Variants in RFXAP observed in about 807,000 individuals in gnomAD.
RFXAP encodes the protein regulatory factor X associated protein, also known as regulatory factor X-associated protein.
Under a neutral mutation model 25.7 loss-of-function variants are expected in RFXAP, and 21 were observed. The observed-to-expected ratio is 0.82, with a 90% CI of 0.58 to 1.18. The LOEUF is 1.18. RFXAP is among the 50% of genes most tolerant of loss of function. The probability of loss-of-function intolerance (pLI) is 0.00; values close to 1 mark genes in which losing one functional copy is unlikely to be tolerated. For missense variants in RFXAP, 333 were observed against 363.0 expected (o/e 0.92, Z 0.67); for synonymous variants, 161 against 152.2 (o/e 1.06, Z -0.43).
Position 36,819,739 on chromosome 13 carries a change from C to G in RFXAP, c.382C>G (p.Arg128Gly), listed in dbSNP as rs563234852. ...GGGCGAGGGCAGCAGCGGGGGCGCC[C>G]GGAGGCGGGGCAGCGGTGGGGGCAG... ...SGGEGSSGGA[R>G]RRGSGGGSMS... Residue 128 changes from arginine (R) to glycine (G), a missense_variant, in exon 1 of 3, where the codon CGG becomes GGG. Arg to Gly is a moderately radical substitution (Grantham distance 125). Transcript: ENST00000255476. 1 of 1,551,902 alleles carries G rather than the reference C, an allele frequency of 6.4e-7. No individual in the cohort carries two copies. Among genetic ancestry groups the G allele is most frequent in the East Asian group, 2.4e-5 (1 of 41,054 alleles).
At position 36,819,480 on chromosome 13, in the gene RFXAP, C is replaced by G; in HGVS notation, c.123C>G (p.Ala41=). The change falls in exon 1 of 3, where the codon GCC becomes GCG. Residue 41 remains alanine, a synonymous_variant. Transcript: ENST00000255476. ...CGCCAGCCTCGGTGGCGGCCGCGGC[C>G]TCTCAATTCACCCTGCTAGTGATGC... ...TLAPASVAAA[A]SQFTLLVMQP... 1 of 1,526,622 alleles carries G rather than the reference C, an allele frequency of 6.6e-7. No homozygotes were observed. The highest frequency in any genetic ancestry group is 8.8e-7 in the Non-Finnish European group (1 of 1,136,660). 94.6% of individuals were successfully genotyped at this position (1,526,622 alleles called of 1,614,324 possible). A position where few individuals can be genotyped will look rare whatever the true frequency, so the allele number is the denominator to read the frequency against.
rs746556873 is a variant in RFXAP, at chr13:36,827,766, A to G, written c.*13A>G. ...AACATCAATGTGAGGGAACTTACCA[A>G]GAACATCTACATGGTTTTTTATCTT... On this transcript the variant is annotated 3_prime_UTR_variant, in exon 3 of 3. Transcript: ENST00000255476. 1.9e-5 allele frequency: 30 copies of G among 1,553,848 alleles called. No individual in the cohort carries two copies. The highest frequency in any genetic ancestry group is 2.4e-5 in the Non-Finnish European group (28 of 1,144,956).
intron 1 of RFXAP, among the ~76,000 whole-genome samples, chr13:36,824,519 A>C (rs2057972058): frequency 6.6e-6 from 1 of 152,192 alleles, no homozygotes; most frequent in African/African-American, 2.4e-5. Flanking sequence ...AGTAAAGAAC[A>C]AAGAGGTTAA....
chr13:36,819,552 TG>T lies in RFXAP; in HGVS notation c.199del (p.Ala67ArgfsTer27). The T allele has an allele frequency of 1.3e-6, 2 of 1,522,974 alleles. No homozygotes were observed. Among genetic ancestry groups the T allele is most frequent in the Non-Finnish European group, 1.8e-6 (2 of 1,133,158 alleles). 94.3% of individuals were successfully genotyped at this position (1,522,974 alleles called of 1,614,324 possible). ...DEAAAPGGSVGAGKPVRYLCE... is the reference protein window; with the variant it reads ...DEAAAPGGSVXAGKPVRYLCE... ...AGGCTGCGGCCCCCGGGGGCAGCGT[TG>T]GGGCGGGCAAGCCCGTTAGGTACCT... On this transcript the variant is annotated frameshift_variant, in exon 1 of 3. Transcript: ENST00000255476. LOFTEE classifies it high-confidence loss of function.
intron 2 of RFXAP, among the ~76,000 whole-genome samples, chr13:36,826,990 C>G (rs1405861275): frequency 6.6e-6 from 1 of 152,012 alleles, no homozygotes; most frequent in African/African-American, 2.4e-5. Flanking sequence ...GACCCTGTCT[C>G]TAATAATAAT....
rs1190303117 is a variant in RFXAP at position 36,825,623 on chromosome 13, C to T, written c.708+88C>T. 4.6e-6 allele frequency: 4 copies of T among 868,542 alleles called. 1 individual carries two copies. Among genetic ancestry groups the T allele is most frequent in the South Asian group, 4.2e-5 (3 of 71,418 alleles). The allele number at this position is 868,542 out of a possible 1,614,324, so 53.8% of individuals were successfully genotyped here. ...ATTGAGATTTTTGAGATTTTTAGCT[C>T]ATGACATCACACTATACATCAAAAT... On this transcript the variant is annotated intron_variant, in intron 2 of 2. Coordinates refer to ENST00000255476, the MANE Select transcript of RFXAP (RefSeq NM_000538.4).
chr13:36,819,299 G>C lies in RFXAP; in HGVS notation c.-59G>C. On this transcript the variant is annotated 5_prime_UTR_variant, in exon 1 of 3. Coordinates refer to ENST00000255476, the MANE Select transcript of RFXAP (RefSeq NM_000538.4). Reference sequence around the variant, plus strand: ...CTGAGTCTTTGGTTCGCGAAGTGCCGTTAGGCCAAGCAGGTGCTAAAAGCC... The same window carrying C: ...CTGAGTCTTTGGTTCGCGAAGTGCCCTTAGGCCAAGCAGGTGCTAAAAGCC... 2.4e-6 allele frequency: 3 copies of C among 1,238,682 alleles called. No homozygotes were observed. Among genetic ancestry groups the C allele is most frequent in the Non-Finnish European group, 3.0e-6 (3 of 988,580 alleles). The allele number at this position is 1,238,682 out of a possible 1,614,324, so 76.7% of individuals were successfully genotyped here.
chr13:36,819,257 T>G lies in RFXAP; in HGVS notation c.-101T>G, dbSNP rs566055344. ...GGGGCGCCTTCCCGGTATAGGCGCC[T>G]TTTACCCCAGCGTGTCCTGAGTCTT... On this transcript the variant is annotated 5_prime_UTR_variant, in exon 1 of 3. Transcript: ENST00000255476. The G allele has an allele frequency of 6.3e-4, 719 of 1,148,144 alleles. No homozygotes were observed. The highest frequency in any genetic ancestry group is 6.9e-4 in the Non-Finnish European group (633 of 920,252). The allele number at this position is 1,148,144 out of a possible 1,614,324, so 71.1% of individuals were successfully genotyped here.
intron 1 of RFXAP, among the ~76,000 whole-genome samples, chr13:36,823,716 G>T (rs919109848): frequency 2.0e-5 from 3 of 152,102 alleles, no homozygotes; most frequent in African/African-American, 4.8e-5. Flanking sequence ...ACAAGTCAAG[G>T]TTAAATGAGG....
chr13:36,826,909 T>C (rs1425908660), intron 2 of RFXAP, among the ~76,000 whole-genome samples: 2 of 152,192 alleles, frequency 1.3e-5, no homozygotes, highest in Middle Eastern at 6.3e-3. Context: ...GATGATTGCT[T>C]GAGCCGAGGA....
intron 2 of RFXAP, among the ~76,000 whole-genome samples, chr13:36,825,755 T>C (rs889219330): frequency 6.6e-6 from 1 of 152,144 alleles, no homozygotes; most frequent in Non-Finnish European, 1.5e-5. Context: ...GAAAAGATTA[T>C]AAACTTGACT....
chr13:36,822,414 C>T (rs1051153477), intron 1 of RFXAP, among the ~76,000 whole-genome samples: 27 of 152,138 alleles, frequency 1.8e-4, no homozygotes, highest in African/African-American at 6.0e-4. Context: ...AAGTAGTTAA[C>T]CTATGGCTGC....
Position 36,819,378 on chromosome 13 carries a change from G to T in RFXAP, c.21G>T (p.Ala7=). ...GCAGCATGGAGGCGCAGGGTGTAGC[G>T]GAGGGCGCGGGGCCGGGCGCCGCCA... MEAQGV[A]EGAGPGAASG... Residue 7 remains alanine, a synonymous_variant, in exon 1 of 3, where the codon GCG becomes GCT. Transcript: ENST00000255476. 7.7e-7 allele frequency: 1 copy of T among 1,293,066 alleles called. No homozygotes were observed. 80.1% of individuals were successfully genotyped at this position (1,293,066 alleles called of 1,614,324 possible). A position where few individuals can be genotyped will look rare whatever the true frequency, so the allele number is the denominator to read the frequency against.
At chr13:36,823,887 A>G (rs2057970415) in intron 1 of RFXAP, among the ~76,000 whole-genome samples, 1 of 152,204 alleles carries the variant, frequency 6.6e-6, no homozygotes, top group Non-Finnish European at 1.5e-5. Flanking sequence ...CTTATATGGC[A>G]TGATTCTGAG....
intron 1 of RFXAP, among the ~76,000 whole-genome samples, chr13:36,824,448 A>C (rs562904048): frequency 6.6e-6 from 1 of 152,316 alleles, no homozygotes; most frequent in South Asian, 2.1e-4. Flanking sequence ...ATATTCTCAT[A>C]GATAACTCAG....
chr13:36,824,405 G>C (rs558120922), intron 1 of RFXAP, among the ~76,000 whole-genome samples: 1 of 152,104 alleles, frequency 6.6e-6, no homozygotes, highest in East Asian at 1.9e-4. Flanking sequence ...ATATCAGGTT[G>C]GTAAACTTCT....
Position 36,819,909 on chromosome 13 carries a change from C to G in RFXAP, c.552C>G (p.Asn184Lys). ...AGAAGAAGAGCGACCAGGCCCTGAACTGCGGTGGGACTGCCTCGACTGGCA... is the reference window on the plus strand; with the variant it reads ...AGAAGAAGAGCGACCAGGCCCTGAAGTGCGGTGGGACTGCCTCGACTGGCA... The part of the protein sequence containing the change: ...YKKKKSDQAL[N>K]CGGTASTGSA... Residue 184 changes from asparagine to lysine, a missense_variant, in exon 1 of 3, where the codon AAC becomes AAG. By Grantham distance (94) the Asn-to-Lys change is moderately conservative. Transcript: ENST00000255476. The G allele has an allele frequency of 6.2e-7, 1 of 1,613,834 alleles. No homozygotes were observed. Among genetic ancestry groups the G allele is most frequent in the African/African-American group, 1.3e-5 (1 of 75,034 alleles).
At position 36,819,622 on chromosome 13, in the gene RFXAP, G is replaced by A. The variant is rs1290515755; in HGVS notation, c.265G>A (p.Glu89Lys). The A allele has an allele frequency of 6.5e-7, 1 of 1,541,890 alleles. No individual in the cohort carries two copies. Among genetic ancestry groups the A allele is most frequent in the East Asian group, 2.4e-5 (1 of 40,892 alleles). ...TGGCGAAGAGGAGGCTGGGGAGGACGAGGCGGACCTGTTAGACACTTCGGA... is the reference window on the plus strand; with the variant it reads ...TGGCGAAGAGGAGGCTGGGGAGGACAAGGCGGACCTGTTAGACACTTCGGA... ...GDGEEEAGED[E>K]ADLLDTSDPP... The change falls in exon 1 of 3, where the codon GAG (glutamate) becomes AAG (lysine). Residue 89 changes from glutamate (E) to lysine (K), a missense_variant. Glu to Lys is a moderately conservative substitution (Grantham distance 56, BLOSUM62 1). Transcript: ENST00000255476.
chr13:36,823,482 G>GGAA (rs1304279762), intron 1 of RFXAP, among the ~76,000 whole-genome samples: 3 of 152,110 alleles, frequency 2.0e-5, no homozygotes, highest in Non-Finnish European at 4.4e-5. Flanking sequence ...GATCTAATTA[G>GGAA]GAAGTAGCAG....
Sources: allele counts gnomAD v4.1 joint callset (sites outside exome capture counted in the v4.1 genomes callset), GRCh38; gene constraint gnomAD v4.1.1; transcripts MANE v1.5; gene names NCBI Gene and HGNC (gene_info 2026-07-23, HGNC 2026-07-21).